The following BCL2 variants were observed in gnomAD, a reference collection of about 807,000 sequenced individuals.
BCL2 encodes BCL2 apoptosis regulator, also known as apoptosis regulator Bcl-2.
BCL2 carries 1 observed loss-of-function variant against 14.2 expected under a neutral mutation model. The ratio of observed to expected loss-of-function variants is 0.07; its 90% CI spans 0.02 to 0.33. The LOEUF (loss-of-function observed/expected upper bound fraction) is 0.33. BCL2 is among the 10% of genes least tolerant of loss of function. The pLI, the probability that BCL2 is intolerant of heterozygous loss-of-function variation, is 0.99. For synonymous variants in BCL2, 151 were observed against 137.2 expected (o/e 1.10, Z -0.70); for missense variants, 247 against 305.9 (o/e 0.81, Z 1.44).
chr18:63,161,240 G>A (rs1335941671), intron 2 of BCL2, among the ~76,000 whole-genome samples: 1 of 152,074 alleles, frequency 6.6e-6, no homozygotes, highest in Admixed American at 6.5e-5. Flanking sequence ...ATTTGCATTT[G>A]GTGAAATCCC....
Position 63,319,386 on chromosome 18 carries a change from A to G in BCL2, c.-499T>C, listed in dbSNP as rs1913624087. 4.4e-6 allele frequency: 1 copy of G among 228,708 alleles called. No individual in the cohort carries two copies. The highest frequency in any genetic ancestry group is 6.2e-5 in the East Asian group (1 of 16,034). The allele number at this position is 228,708 out of a possible 1,614,324, so 14.2% of individuals were successfully genotyped here. On this transcript the variant is annotated 5_prime_UTR_variant, in exon 1 of 3. Transcript: ENST00000333681. ...AGACTTCTGCTTCACAGAAATGTCAATCCGCAGGAATCCCAACCGGAGATC... is the reference window on the plus strand; with the variant it reads ...AGACTTCTGCTTCACAGAAATGTCAGTCCGCAGGAATCCCAACCGGAGATC...
intron 2 of BCL2, among the ~76,000 whole-genome samples, chr18:63,213,547 A>AAC (rs57058660): frequency 0.12 from 17,532 of 146,026 alleles, 1,559 homozygotes; most frequent in East Asian, 0.41. Context: ...CACACACATA[A>AAC]ACACACACAC....
chr18:63,194,267 G>C (rs1011241130), intron 2 of BCL2, among the ~76,000 whole-genome samples: 1 of 152,118 alleles, frequency 6.6e-6, no homozygotes, highest in African/African-American at 2.4e-5. Flanking sequence ...TGAATGTGAA[G>C]GTCAGTCAAA....
At chr18:63,178,410 A>G (rs938130981) in intron 2 of BCL2, among the ~76,000 whole-genome samples, 1 of 152,238 alleles carries the variant, frequency 6.6e-6, no homozygotes, top group Admixed American at 6.5e-5. Flanking sequence ...CGCAAGGCGG[A>G]TACAAACGGT....
At chr18:63,194,788 G>A (rs74819146) in intron 2 of BCL2, among the ~76,000 whole-genome samples, 4,994 of 152,256 alleles carry the variant, frequency 0.033, 118 homozygotes, top group Non-Finnish European at 0.053. Flanking sequence ...GCATTAATGG[G>A]AAAAGTCTGA....
chr18:63,174,776 T>C lies in BCL2; in HGVS notation c.586-46017A>G, dbSNP rs142803709. Among the ~76,000 whole-genome samples the C allele has an allele frequency of 4.8e-3, 665 of 139,402 alleles. 3 individuals are homozygous for C. Among genetic ancestry groups the C allele is most frequent in the African/African-American group, 0.018 (652 of 36,202 alleles). The allele number at this position is 139,402 out of a possible 152,430, so 91.5% of individuals were successfully genotyped here. Reference sequence around the variant, plus strand: ...CGGAAGTTGCAGGGAGTCGAGATCATGCCACTGCACTCCAGCATGGGGGAC... The same window carrying C: ...CGGAAGTTGCAGGGAGTCGAGATCACGCCACTGCACTCCAGCATGGGGGAC... On this transcript the variant is annotated intron_variant, in intron 2 of 2. Coordinates refer to ENST00000333681, the MANE Select transcript of BCL2 (RefSeq NM_000633.3).
chr18:63,143,953 A>T (rs546729452), intron 2 of BCL2, among the ~76,000 whole-genome samples: 1 of 152,022 alleles, frequency 6.6e-6, no homozygotes, highest in Non-Finnish European at 1.5e-5. Context: ...TCATCACCCA[A>T]ATCAGGTACT....
intron 2 of BCL2, among the ~76,000 whole-genome samples, chr18:63,293,856 G>A (rs1204011907): frequency 2.6e-5 from 4 of 152,026 alleles, no homozygotes; most frequent in South Asian, 4.1e-4. Flanking sequence ...TTCCTCACCC[G>A]GCTCCTGATC....
chr18:63,179,968 A>C (rs1915445605), intron 2 of BCL2, among the ~76,000 whole-genome samples: 1 of 152,206 alleles, frequency 6.6e-6, no homozygotes, highest in Non-Finnish European at 1.5e-5. Flanking sequence ...AGACTTCTGC[A>C]GTATTGTGAT....
chr18:63,261,608 A>G (rs368101444), intron 2 of BCL2, among the ~76,000 whole-genome samples: 2 of 152,268 alleles, frequency 1.3e-5, no homozygotes, highest in South Asian at 4.1e-4. Flanking sequence ...ATAGAAATAA[A>G]AACGGTCTTA....
At chr18:63,219,707 T>C (rs1910331327) in intron 2 of BCL2, among the ~76,000 whole-genome samples, 1 of 152,166 alleles carries the variant, frequency 6.6e-6, no homozygotes, top group African/African-American at 2.4e-5. Flanking sequence ...GAGGGCCTAC[T>C]ATGTACAAAG....
At position 63,149,844 on chromosome 18, in the gene BCL2, CATTT is replaced by C. The variant is rs372022076; in HGVS notation, c.586-21089_586-21086del. ...CAGAAAGGGTTCTCCTGACATGAGGCATTTATTTATTTATTTATTTATTTATTTA... is the reference window on the plus strand; with the variant it reads ...CAGAAAGGGTTCTCCTGACATGAGGCATTTATTTATTTATTTATTTATTTA... On this transcript the variant is annotated intron_variant, in intron 2 of 2. Coordinates refer to ENST00000333681, the MANE Select transcript of BCL2 (RefSeq NM_000633.3). This position sits in a 1 kb window ranked among gnomAD's most constrained non-coding sequence, Gnocchi z 4.2. 0.12 allele frequency among the ~76,000 whole-genome samples: 17,629 copies of C among 147,194 alleles called. 978 individuals carry two copies. Among genetic ancestry groups the C allele is most frequent in the African/African-American group, 0.17 (6,589 of 39,646 alleles).
chr18:63,227,076 TGA>T (rs139192451), intron 2 of BCL2, among the ~76,000 whole-genome samples: 10 of 150,040 alleles, frequency 6.7e-5, no homozygotes, highest in Admixed American at 2.0e-4. Flanking sequence ...TAAAGCAATA[TGA>T]GAGAGAGAGA....
intron 2 of BCL2, among the ~76,000 whole-genome samples, chr18:63,135,493 T>C (rs573454649): frequency 6.6e-6 from 1 of 152,352 alleles, no homozygotes; most frequent in Non-Finnish European, 1.5e-5. Context: ...CAGCCACCAC[T>C]TGTCTCACAC....
At chr18:63,131,623 C>A (rs576170955) in intron 2 of BCL2, among the ~76,000 whole-genome samples, 107 of 152,338 alleles carry the variant, frequency 7.0e-4, no homozygotes, top group African/African-American at 2.5e-3. Flanking sequence ...GATGGGTAGG[C>A]TGAAACCCCC....
At chr18:63,169,281 TTTC>T (rs1915131885) in intron 2 of BCL2, among the ~76,000 whole-genome samples, 1 of 67,292 alleles carries the variant, frequency 1.5e-5, no homozygotes. Flanking sequence ...TCTTTCTTTC[TTTC>T]TTTCTTTCTT....
chr18:63,212,443 T>C (rs1004233067), intron 2 of BCL2, among the ~76,000 whole-genome samples: 3 of 151,730 alleles, frequency 2.0e-5, no homozygotes, highest in Non-Finnish European at 4.4e-5. Context: ...TATGATGCAT[T>C]TAACAGCCAC....
At chr18:63,150,628 C>T (rs993335267) in intron 2 of BCL2, among the ~76,000 whole-genome samples, 7 of 152,160 alleles carry the variant, frequency 4.6e-5, no homozygotes, top group Non-Finnish European at 1.0e-4. Flanking sequence ...CATGAACATG[C>T]CACAAGTTCT....
intron 2 of BCL2, among the ~76,000 whole-genome samples, chr18:63,267,214 T>C (rs1911857997): frequency 6.6e-6 from 1 of 152,208 alleles, no homozygotes; most frequent in Non-Finnish European, 1.5e-5. Flanking sequence ...GGAGCATTTA[T>C]ACAGGGGCAT....
Sources: gnomAD v4.1 joint callset for allele counts (sites outside exome capture counted in the v4.1 genomes callset) on GRCh38, gnomAD v4.1.1 for gene constraint, Gnocchi (gnomAD v3.1) non-coding constraint, MANE v1.5 for transcripts, NCBI Gene and HGNC (gene_info 2026-07-23, HGNC 2026-07-21) for gene names.